Variants in PCDHA3 observed in about 807,000 individuals in gnomAD.
PCDHA3 encodes protocadherin alpha 3.
PCDHA3 carries 41 observed loss-of-function variants against 62.2 expected under a neutral mutation model. The observed-to-expected ratio is 0.66, with a 90% confidence interval of 0.51 to 0.86. PCDHA3 has a LOEUF of 0.86. PCDHA3 is among the 40% of genes least tolerant of loss of function. PCDHA3 has a pLI of 0.00. For missense variants in PCDHA3, 1,304 were observed against 1,241.2 expected (o/e 1.05, Z -0.76); for synonymous variants, 640 against 555.4 (o/e 1.15, Z -2.14).
At position 140,829,513 on chromosome 5, in the gene PCDHA3, C is replaced by T. The variant is rs146722468; in HGVS notation, c.2394+25922C>T. ...AGAACAACCCGCCGGGCTGCCACAT[C>T]TTCACGGTGTCTGCGCGAGACGCGG... On this transcript the variant is annotated intron_variant, in intron 1 of 3. Transcript: ENST00000522353. 3.1e-4 allele frequency: 493 copies of T among 1,613,532 alleles called. 1 individual carries two copies. In the African/African-American group the frequency reaches 5.8e-3, roughly 19 times the overall value.
In PCDHA3 at chr5:140,821,608, T is replaced by C. The variant is rs1767011676; in HGVS notation, c.2394+18017T>C. ...CCTTCCCAGCCTCAAAGGAATACAG[T>C]GAGTAGATTTTCCTTAGACAGAAAG... On this transcript the variant is annotated intron_variant, in intron 1 of 3. Transcript: ENST00000522353. The C allele has an allele frequency of 6.6e-6, 5 of 759,916 alleles. No individual in the cohort carries two copies. The South Asian group carries it at 8.7e-5, about 13-fold the overall frequency. The allele number at this position is 759,916 out of a possible 1,614,324, so 47.1% of individuals were successfully genotyped here. A position where few individuals can be genotyped will look rare whatever the true frequency, so the allele number is the denominator to read the frequency against.
At chr5:140,852,024 C>A in intron 1 of PCDHA3, 1 of 949,532 alleles carries the variant, frequency 1.1e-6, no homozygotes, top group Non-Finnish European at 1.3e-6. Context: ...TTAAAAACTT[C>A]GCTTATTGAG....
chr5:140,993,530 AG>A (rs2097570679), intron 3 of PCDHA3, among the ~76,000 whole-genome samples: 7 of 152,044 alleles, frequency 4.6e-5, no homozygotes, highest in African/African-American at 1.7e-4. Context: ...AGACAGAGAG[AG>A]AGAGAGATAG....
intron 1 of PCDHA3, chr5:140,834,176 G>T: frequency 1.8e-6 from 1 of 555,610 alleles, no homozygotes; most frequent in South Asian, 2.7e-5. Context: ...TTACATGATG[G>T]CCACATGATG....
At chr5:140,836,589 A>G in intron 1 of PCDHA3, 2 of 1,613,682 alleles carry the variant, frequency 1.2e-6, no homozygotes. Context: ...TAGTTTGGTA[A>G]AGCCCACTCT....
intron 1 of PCDHA3, chr5:140,853,980 G>A: frequency 1.8e-6 from 1 of 544,346 alleles, no homozygotes; most frequent in Non-Finnish European, 2.4e-6. Flanking sequence ...TGAGACCAAT[G>A]TAGTGAGACT....
chr5:140,904,738 A>T (rs1373664313), intron 1 of PCDHA3, among the ~76,000 whole-genome samples: 1 of 152,012 alleles, frequency 6.6e-6, no homozygotes, highest in African/African-American at 2.4e-5. Context: ...TTATTTTTTT[A>T]TTATGACCAT....
chr5:140,825,170 T>G (rs1391408665), intron 1 of PCDHA3: 1 of 151,844 alleles, frequency 6.6e-6, no homozygotes, highest in African/African-American at 2.4e-5. Flanking sequence ...TTTTTTCATT[T>G]ACTAATGTAT....
chr5:140,843,735 G>T (rs1554140393), intron 1 of PCDHA3: 1 of 1,548,324 alleles, frequency 6.5e-7, no homozygotes, highest in African/African-American at 1.4e-5. Context: ...TTTAAATTTA[G>T]AACTCATAAA....
chr5:140,828,231 G>C (rs1554131117), intron 1 of PCDHA3: 7 of 1,613,882 alleles, frequency 4.3e-6, no homozygotes, highest in Non-Finnish European at 5.9e-6. Context: ...TTCGTGGGCC[G>C]GATCGCGCAG....
chr5:140,877,992 A>C, intron 1 of PCDHA3: 1 of 1,096,636 alleles, frequency 9.1e-7, no homozygotes, highest in South Asian at 2.1e-5. Context: ...TTGAACTTTT[A>C]TGTATTTGTC....
chr5:140,858,135 T>C, intron 1 of PCDHA3: 1 of 1,597,450 alleles, frequency 6.3e-7, no homozygotes. Context: ...GATGTCAACG[T>C]GTACCTGATC....
At position 140,801,613 on chromosome 5, in the gene PCDHA3, A is replaced by T. The variant is rs902709557; in HGVS notation, c.416A>T (p.Asn139Ile). ...CCAGTTTTTCCAATGGCTGTAAAGA[A>T]TCTGTTTATTTCCGAATCCCGACAG... The part of the protein sequence containing the change: ...NAPVFPMAVK[N>I]LFISESRQPG... Residue 139 changes from asparagine to isoleucine, a missense_variant, in exon 1 of 4, where the codon AAT becomes ATT. Transcript: ENST00000522353. 3 of 1,613,912 alleles carry T rather than the reference A, an allele frequency of 1.9e-6. No individual in the cohort carries two copies. The highest frequency in any genetic ancestry group is 2.7e-5 in the African/African-American group (2 of 74,870).
chr5:140,979,947 A>G (rs781881758), intron 2 of PCDHA3, among the ~76,000 whole-genome samples: 4 of 152,258 alleles, frequency 2.6e-5, no homozygotes, highest in African/African-American at 4.8e-5. Context: ...AGTTAATGTG[A>G]AATTAGTTTT....
intron 1 of PCDHA3, chr5:140,809,117 C>A (rs142688560): frequency 2.5e-6 from 4 of 1,613,992 alleles, no homozygotes; most frequent in South Asian, 2.2e-5. Context: ...GGACGCTCCG[C>A]GCCACCGCCT....
chr5:140,871,473 A>G, intron 1 of PCDHA3: 2 of 1,600,218 alleles, frequency 1.2e-6, no homozygotes, highest in African/African-American at 1.3e-5. Flanking sequence ...GACAGGAGCC[A>G]GGGTCAAATC....
At chr5:140,987,007 A>T (rs2097221901) in intron 3 of PCDHA3, among the ~76,000 whole-genome samples, 1 of 152,144 alleles carries the variant, frequency 6.6e-6, no homozygotes, top group Non-Finnish European at 1.5e-5. Context: ...TGAGGTCATG[A>T]GTTCGAGACC....
rs2150411326 is a variant in PCDHA3 at position 140,848,495 on chromosome 5, A to C, written c.2394+44904A>C. On this transcript the variant is annotated intron_variant, in intron 1 of 3. Transcript: ENST00000522353. ...AATTAGAAGAAGACTGAGTATTTGA[A>C]ATGTTATACTCAAGTCGAGGAGATC... is the stretch of plus-strand genomic sequence containing the variant. 86 of 1,576,710 alleles carry C rather than the reference A, an allele frequency of 5.5e-5. 9 individuals are homozygous for C. The highest frequency in any genetic ancestry group is 7.3e-5 in the Non-Finnish European group (84 of 1,155,398).
At chr5:140,804,667 T>A (rs1763434911) in intron 1 of PCDHA3, 1 of 158,868 alleles carries the variant, frequency 6.3e-6, no homozygotes, top group Admixed American at 6.5e-5. Flanking sequence ...ATGCAATAAG[T>A]AGAAAACTCC....
Sources: gnomAD v4.1 joint callset for allele counts (sites outside exome capture counted in the v4.1 genomes callset) on GRCh38, gnomAD v4.1.1 for gene constraint, MANE v1.5 for transcripts, NCBI Gene and HGNC (gene_info 2026-07-23, HGNC 2026-07-21) for gene names.